ZNF486: variants seen among roughly 807,000 people sequenced by gnomAD.
The protein encoded by ZNF486 is KRAB box only protein 2.
Under a neutral mutation model 12.8 loss-of-function variants are expected in ZNF486, and 12 were observed. The ratio of observed to expected loss-of-function variants is 0.94; its 90% CI spans 0.60 to 1.52. The LOEUF (loss-of-function observed/expected upper bound fraction) is 1.52, where lower values mean the gene tolerates loss of function less well. Among genes scored for constraint, ZNF486 ranks in the 40% most tolerant of loss-of-function variants. The pLI is 0.00. For missense variants in ZNF486, 738 were observed against 545.0 expected (o/e 1.35, Z -3.53); for synonymous variants, 231 against 184.9 (o/e 1.25, Z -2.02).
chr19:20,181,174 G>A (rs929710062), intron 1 of ZNF486, among the ~76,000 whole-genome samples: 2 of 152,166 alleles, frequency 1.3e-5, no homozygotes, highest in Non-Finnish European at 1.5e-5. Flanking sequence ...AGAGATCAGA[G>A]TTTTGGCTGG....
At chr19:20,184,006 C>G (rs568663225) in intron 1 of ZNF486, among the ~76,000 whole-genome samples, 2 of 152,218 alleles carry the variant, frequency 1.3e-5, no homozygotes, top group East Asian at 3.9e-4. Context: ...GGAGAGATGA[C>G]TTCTAACTCA....
rs781799276 is a variant in ZNF486, at chr19:20,167,242, C to A, written c.-89C>A. On this transcript the variant is annotated 5_prime_UTR_variant, in exon 1 of 4. Coordinates refer to ENST00000335117, the MANE Select transcript of ZNF486 (RefSeq NM_052852.4). Reference sequence around the variant, plus strand: ...TCTCGCTGCATCTGGAGCTCTAGGTCGCCTCTTCGCTACTCTGTGTCCTCT... The same window carrying A: ...TCTCGCTGCATCTGGAGCTCTAGGTAGCCTCTTCGCTACTCTGTGTCCTCT... 6.6e-7 allele frequency: 1 copy of A among 1,521,240 alleles called. No homozygotes were observed. Among genetic ancestry groups the A allele is most frequent in the Non-Finnish European group, 9.1e-7 (1 of 1,096,094 alleles). 94.2% of individuals were successfully genotyped at this position (1,521,240 alleles called of 1,614,324 possible). A position where few individuals can be genotyped will look rare whatever the true frequency, so the allele number is the denominator to read the frequency against.
chr19:20,197,677 A>C lies in ZNF486; in HGVS notation c.967A>C (p.Thr323Pro), dbSNP rs1180268994. Residue 323 changes from threonine to proline, a missense_variant, in exon 4 of 4, where the codon ACG (threonine) becomes CCG (proline). Physicochemically the swap from Thr to Pro is conservative, Grantham distance 38. Transcript: ENST00000335117. ...KKIHTGEKPY[T>P]CDKCGKAFIS... is the part of the protein sequence containing the mutation. ...AATTCATACTGGAGAGAAACCGTAC[A>C]CGTGTGATAAATGTGGCAAAGCCTT... is the stretch of plus-strand genomic sequence containing the variant. 1.2e-6 allele frequency: 2 copies of C among 1,613,866 alleles called. No individual in the cohort carries two copies. The highest frequency in any genetic ancestry group is 2.7e-5 in the African/African-American group (2 of 75,040).
chr19:20,193,731 T>C (rs890489316), intron 3 of ZNF486, among the ~76,000 whole-genome samples: 1 of 152,224 alleles, frequency 6.6e-6, no homozygotes, highest in East Asian at 1.9e-4. Context: ...TTTTCTGCAA[T>C]AGAAAAACTT....
At chr19:20,192,410 ATTC>A (rs1389493180) in intron 3 of ZNF486, among the ~76,000 whole-genome samples, 1 of 151,908 alleles carries the variant, frequency 6.6e-6, no homozygotes, top group African/African-American at 2.4e-5. Flanking sequence ...AGTTCAAGTG[ATTC>A]TTCTTTGTCA....
chr19:20,168,037 G>T (rs782706085), intron 1 of ZNF486, among the ~76,000 whole-genome samples: 1 of 151,948 alleles, frequency 6.6e-6, no homozygotes, highest in Non-Finnish European at 1.5e-5. Context: ...ATAGGGGAAG[G>T]ACACAAAAAC....
At chr19:20,181,525 A>C (rs2089786437) in intron 1 of ZNF486, among the ~76,000 whole-genome samples, 1 of 145,354 alleles carries the variant, frequency 6.9e-6, no homozygotes, top group East Asian at 2.0e-4. Flanking sequence ...GGTGGCAGCG[A>C]GACTCCATCT....
chr19:20,175,946 T>TG (rs2089705443), intron 1 of ZNF486, among the ~76,000 whole-genome samples: 1 of 146,712 alleles, frequency 6.8e-6, no homozygotes, highest in African/African-American at 2.6e-5. Context: ...ATGGGGCGGC[T>TG]GGCCGGGCAG....
chr19:20,192,949 C>T (rs115442261), intron 3 of ZNF486, among the ~76,000 whole-genome samples: 12,033 of 152,130 alleles, frequency 0.079, 735 homozygotes, highest in African/African-American at 0.18. Context: ...TAGATTGTTA[C>T]TGTTTTATGT....
At chr19:20,195,293 C>T (rs1220245847) in intron 3 of ZNF486, among the ~76,000 whole-genome samples, 7 of 152,196 alleles carry the variant, frequency 4.6e-5, no homozygotes, top group Non-Finnish European at 7.3e-5. Context: ...GTCAGCCTTA[C>T]AAGTAGCTGG....
rs371690793 is a variant in ZNF486 at position 20,197,581 on chromosome 19, G to T, written c.871G>T (p.Glu291Ter). The T allele has an allele frequency of 3.1e-6, 5 of 1,613,566 alleles. No individual in the cohort carries two copies. In the East Asian group the frequency reaches 8.9e-5, roughly 29 times the overall value. The change falls in exon 4 of 4, where the codon GAG becomes TAG. Residue 291 changes from glutamate to a stop codon, truncating the protein, a stop_gained. Coordinates refer to ENST00000335117, the MANE Select transcript of ZNF486 (RefSeq NM_052852.4). LOFTEE classifies it low-confidence loss of function (END_TRUNC). ...TACACATAAGATAATCCATACTGGA[G>T]AGCAACCCTACAAATGTAAAGAATG... ...LTTHKIIHTG[E>*]QPYKCKECDK...
At chr19:20,185,163 AT>A (rs1288502741) in intron 2 of ZNF486, among the ~76,000 whole-genome samples, 1 of 152,122 alleles carries the variant, frequency 6.6e-6, no homozygotes, top group Non-Finnish European at 1.5e-5. Flanking sequence ...TAATGTGGCA[AT>A]TTAAAAATCT....
Position 20,184,389 on chromosome 19 carries a change from T to C in ZNF486, c.64T>C (p.Phe22Leu). The change falls in exon 2 of 4, where the codon TTC becomes CTC. Residue 22 changes from phenylalanine to leucine, a missense_variant. Phe to Leu is a conservative substitution (Grantham distance 22). Coordinates refer to ENST00000335117, the MANE Select transcript of ZNF486 (RefSeq NM_052852.4). Reference sequence around the variant, plus strand: ...GCAATTTAGAGATGTGGCTGTAGAATTCTCTCTGGAGGAGTGGCATTGCCT... The same window carrying C: ...GCAATTTAGAGATGTGGCTGTAGAACTCTCTCTGGAGGAGTGGCATTGCCT... ...SLQFRDVAVE[F>L]SLEEWHCLDT... The C allele has an allele frequency of 6.2e-7, 1 of 1,613,496 alleles. No homozygotes were observed. Among genetic ancestry groups the C allele is most frequent in the Non-Finnish European group, 8.5e-7 (1 of 1,179,664 alleles).
chr19:20,197,794 TC>T lies in ZNF486; in HGVS notation c.1086del (p.Ser363HisfsTer8). On this transcript the variant is annotated frameshift_variant, in exon 4 of 4. Transcript: ENST00000335117. LOFTEE classifies it low-confidence loss of function (END_TRUNC). ...CEECGKAFTR[S>X]SHLTMHKIIH... ...AGAATGTGGCAAAGCCTTCACCCGC[TC>T]CTCACACCTTACTATGCATAAGATA... 5.6e-6 allele frequency: 9 copies of T among 1,613,748 alleles called. No homozygotes were observed. Among genetic ancestry groups the T allele is most frequent in the Non-Finnish European group, 6.8e-6 (8 of 1,179,928 alleles).
In ZNF486 at chr19:20,176,228, G is replaced by A. The variant is rs142809349; in HGVS notation, c.31-8128G>A. On this transcript the variant is annotated intron_variant, in intron 1 of 3. Transcript: ENST00000335117. ...GGCGCTCCCCACATCTCATACGATGGGCGGCCGGGCAGAGACGCTCCTTGC... is the reference window on the plus strand; with the variant it reads ...GGCGCTCCCCACATCTCATACGATGAGCGGCCGGGCAGAGACGCTCCTTGC... 7.2e-3 allele frequency: 1,407 copies of A among 194,614 alleles called. 25 individuals carry two copies. The highest frequency in any genetic ancestry group is 0.032 in the African/African-American group (1,345 of 41,748). 12.1% of individuals were successfully genotyped at this position (194,614 alleles called of 1,614,324 possible). A position where few individuals can be genotyped will look rare whatever the true frequency, so the allele number is the denominator to read the frequency against.
chr19:20,186,105 A>T (rs541487939), intron 3 of ZNF486, 23 bp downstream of exon 3: 1 of 1,551,114 alleles, frequency 6.4e-7, no homozygotes, highest in East Asian at 2.4e-5. Context: ...GAAAATGAAC[A>T]CAACAGACAA....
At chr19:20,181,989 G>A (rs1389329849) in intron 1 of ZNF486, among the ~76,000 whole-genome samples, 1 of 152,154 alleles carries the variant, frequency 6.6e-6, no homozygotes, top group Non-Finnish European at 1.5e-5. Context: ...ATTAGTACTT[G>A]TGTACATGTT....
rs566802190 is a variant in ZNF486, at chr19:20,199,031, C to T, written c.*929C>T. 1 of 152,094 alleles carries T rather than the reference C, an allele frequency of 6.6e-6. No individual in the cohort carries two copies. The highest frequency in any genetic ancestry group is 1.5e-5 in the Non-Finnish European group (1 of 68,038). 9.4% of individuals were successfully genotyped at this position (152,094 alleles called of 1,614,324 possible). A position where few individuals can be genotyped will look rare whatever the true frequency, so the allele number is the denominator to read the frequency against. On this transcript the variant is annotated 3_prime_UTR_variant, in exon 4 of 4. Transcript: ENST00000335117. ...TAGGTAATTCATACTTCCAAAATAC[C>T]TACAAGTATGAAGAATGTGGCAAAA...
chr19:20,185,192 G>A (rs914903769), intron 2 of ZNF486, among the ~76,000 whole-genome samples: 7 of 152,042 alleles, frequency 4.6e-5, no homozygotes, highest in Admixed American at 2.6e-4. Flanking sequence ...TCTTCTCTTC[G>A]TAGATTTTTA....
Sources: gnomAD v4.1 joint callset for allele counts (sites outside exome capture counted in the v4.1 genomes callset) on GRCh38, gnomAD v4.1.1 for gene constraint, MANE v1.5 for transcripts, NCBI Gene and HGNC (gene_info 2026-07-23, HGNC 2026-07-21) for gene names.